Variants in SCMH1 observed in about 807,000 individuals in gnomAD.
SCMH1 encodes polycomb protein SCMH1.
Under a neutral mutation model 70.8 loss-of-function variants are expected in SCMH1, and 37 were observed. The observed-to-expected ratio is 0.52, with a 90% CI of 0.40 to 0.69. The LOEUF (loss-of-function observed/expected upper bound fraction) is 0.69, where lower values mean the gene tolerates loss of function less well. SCMH1 is among the 30% of genes least tolerant of loss of function. SCMH1 has a pLI of 0.00. For missense variants in SCMH1, 607 were observed against 827.3 expected (o/e 0.73, Z 3.27); for synonymous variants, 292 against 307.4 (o/e 0.95, Z 0.52).
At chr1:41,084,704 A>G (rs1237249796) in intron 8 of SCMH1, among the ~76,000 whole-genome samples, 2 of 152,160 alleles carry the variant, frequency 1.3e-5, no homozygotes, top group African/African-American at 4.8e-5. Flanking sequence ...ACTATTCATA[A>G]TAGCAAAGAC....
chr1:41,092,589 T>C (rs2149036713), intron 8 of SCMH1, among the ~76,000 whole-genome samples: 2 of 152,256 alleles, frequency 1.3e-5, no homozygotes, highest in African/African-American at 4.8e-5. Flanking sequence ...ACAGGCAACC[T>C]ACAAAATGGG....
At chr1:41,069,310 G>A (rs1054478182) in intron 10 of SCMH1, among the ~76,000 whole-genome samples, 6 of 152,018 alleles carry the variant, frequency 3.9e-5, no homozygotes, top group African/African-American at 1.4e-4. Flanking sequence ...TTCTAGAGTG[G>A]GTAGTCATTA....
At chr1:41,068,099 G>A (rs1214907690) in intron 10 of SCMH1, among the ~76,000 whole-genome samples, 1 of 152,188 alleles carries the variant, frequency 6.6e-6, no homozygotes, top group Non-Finnish European at 1.5e-5. Flanking sequence ...TCCTAAACGT[G>A]TGTAAAATCC....
intron 8 of SCMH1, among the ~76,000 whole-genome samples, chr1:41,091,455 A>G (rs2149028245): frequency 6.6e-6 from 1 of 152,304 alleles, no homozygotes; most frequent in South Asian, 2.1e-4. Flanking sequence ...AACTGGAAGC[A>G]TTCCCTTTGA....
chr1:41,219,934 A>C (rs963949591), intron 1 of SCMH1, among the ~76,000 whole-genome samples: 6 of 122,704 alleles, frequency 4.9e-5, no homozygotes, highest in African/African-American at 7.9e-5. Flanking sequence ...CCGTCTCACA[A>C]AAAAAAAAAA....
chr1:41,222,811 G>A (rs1659562823), intron 1 of SCMH1, among the ~76,000 whole-genome samples: 1 of 152,172 alleles, frequency 6.6e-6, no homozygotes, highest in Non-Finnish European at 1.5e-5. Context: ...TGCATAATGG[G>A]ACTGTATGAT....
intron 1 of SCMH1, among the ~76,000 whole-genome samples, chr1:41,206,015 C>G (rs1655454365): frequency 6.6e-6 from 1 of 152,156 alleles, no homozygotes; most frequent in Admixed American, 6.5e-5. Context: ...AAAAGGACAT[C>G]CATACCAAAA....
At chr1:41,109,025 A>C (rs1050226663) in intron 8 of SCMH1, among the ~76,000 whole-genome samples, 1 of 152,152 alleles carries the variant, frequency 6.6e-6, no homozygotes, top group Admixed American at 6.6e-5. Flanking sequence ...TGAAGCTTTG[A>C]AGAAGGGCCA....
intron 1 of SCMH1, among the ~76,000 whole-genome samples, chr1:41,219,493 G>A (rs970450846): frequency 6.6e-6 from 1 of 152,166 alleles, no homozygotes; most frequent in Admixed American, 6.5e-5. Context: ...TGTAGAGTCT[G>A]ACTCTAACAC....
At chr1:41,050,255 C>G (rs1647593197) in intron 10 of SCMH1, among the ~76,000 whole-genome samples, 7 of 152,224 alleles carry the variant, frequency 4.6e-5, no homozygotes, top group Admixed American at 4.6e-4. Context: ...TCTCCTCCAT[C>G]TGCTTTCCAG....
intron 1 of SCMH1, among the ~76,000 whole-genome samples, chr1:41,193,549 TGGA>T (rs1652262635): frequency 6.6e-6 from 1 of 152,098 alleles, no homozygotes; most frequent in African/African-American, 2.4e-5. Flanking sequence ...GAAAGCTTCA[TGGA>T]GGAGATGAAG....
chr1:41,159,903 T>TCCATTAGCTCATGTAATCTTCTTTACAA, intron 4 of SCMH1: 1 of 1,036,184 alleles, frequency 9.7e-7, no homozygotes. Flanking sequence ...TGTTTTCACA[T>TCCATTAGCTCATGTAATCTTCTTTACAA]CCATTAGCTC....
At chr1:41,116,832 A>G (rs931962094) in intron 7 of SCMH1, 90 bp downstream of exon 7, 5 of 990,002 alleles carry the variant, frequency 5.1e-6, no homozygotes, top group African/African-American at 1.7e-5. Context: ...CTGAGAAGGC[A>G]TCTTCAGGCC....
At chr1:41,028,520 T>C (rs1299958700) in intron 14 of SCMH1, 64 bp downstream of exon 15, 5 of 1,597,642 alleles carry the variant, frequency 3.1e-6, no homozygotes, top group Middle Eastern at 1.7e-4. Flanking sequence ...ACATCTCGTA[T>C]TGTCCCCACC....
chr1:41,122,797 G>T (rs1672263160), intron 6 of SCMH1, among the ~76,000 whole-genome samples: 1 of 152,102 alleles, frequency 6.6e-6, no homozygotes, highest in Non-Finnish European at 1.5e-5. Flanking sequence ...GTTTACCAAG[G>T]ATTCATTTTT....
At chr1:41,079,078 C>T (rs557308307) in intron 8 of SCMH1, among the ~76,000 whole-genome samples, 206 of 152,106 alleles carry the variant, frequency 1.4e-3, no homozygotes, top group Non-Finnish European at 2.2e-3. Flanking sequence ...GTCCAATATG[C>T]ATATTTGCAT....
chr1:41,207,448 C>T (rs1573063217), intron 1 of SCMH1, among the ~76,000 whole-genome samples: 1 of 152,114 alleles, frequency 6.6e-6, no homozygotes. Context: ...CAAAGAAGGC[C>T]ATTACATAAT....
rs60690281 is a variant in SCMH1, at chr1:41,168,856, G to A, written c.14-7424C>T. ...TTGATGGTCCCCTCGAGCTTAGGAT[G>A]TACCACATTCCATCAATACCCCCAC... On this transcript the variant is annotated intron_variant, in intron 2 of 14. Transcript: ENST00000337495. 8.6e-3 allele frequency among the ~76,000 whole-genome samples: 1,302 copies of A among 152,146 alleles called. 24 individuals carry two copies. Among genetic ancestry groups the A allele is most frequent in the African/African-American group, 0.03 (1,235 of 41,512 alleles).
intron 10 of SCMH1, among the ~76,000 whole-genome samples, chr1:41,050,536 A>G (rs1251074983): frequency 2.0e-5 from 3 of 152,176 alleles, no homozygotes; most frequent in African/African-American, 7.2e-5. Flanking sequence ...TGGAAAACAG[A>G]AAGTAGGGAG....
Sources: allele counts gnomAD v4.1 joint callset (sites outside exome capture counted in the v4.1 genomes callset), GRCh38; gene constraint gnomAD v4.1.1; transcripts MANE v1.5; gene names NCBI Gene and HGNC (gene_info 2026-07-23, HGNC 2026-07-21).